Variants in DCDC1 observed in about 807,000 individuals in gnomAD.
The protein encoded by DCDC1 is doublecortin domain containing 1, also known as doublecortin domain-containing protein 1.
DCDC1 carries 200 observed loss-of-function variants against 178.3 expected under a neutral mutation model. The observed-to-expected ratio is 1.12, with a 90% CI of 1.00 to 1.26. The LOEUF (loss-of-function observed/expected upper bound fraction) is 1.26. DCDC1 is among the 50% of genes most tolerant of loss of function. The pLI is 0.00. For synonymous variants in DCDC1, 690 were observed against 604.8 expected (o/e 1.14, Z -2.07); for missense variants, 1,983 against 1,749.2 (o/e 1.13, Z -2.38).
chr11:31,019,640 T>A lies in DCDC1; in HGVS notation c.2591+44829A>T, dbSNP rs2135189672. 2.0e-5 allele frequency among the ~76,000 whole-genome samples: 3 copies of A among 152,280 alleles called. No individual in the cohort carries two copies. The South Asian group carries it at 6.2e-4, about 32-fold the overall frequency. ...CATAACTGGTATGATCTTTTAAAAATTAAAATTAGATCATGTCACGCCCCA... is the reference window on the plus strand; with the variant it reads ...CATAACTGGTATGATCTTTTAAAAAATAAAATTAGATCATGTCACGCCCCA... On this transcript the variant is annotated intron_variant, in intron 20 of 38. Coordinates refer to ENST00000684477, the MANE Select transcript of DCDC1 (RefSeq NM_001387274.1).
chr11:31,002,285 A>G (rs907020364), intron 20 of DCDC1, among the ~76,000 whole-genome samples: 2 of 152,226 alleles, frequency 1.3e-5, no homozygotes, highest in Admixed American at 1.3e-4. Flanking sequence ...GTGAATTTGA[A>G]TGATTCCTAT....
At chr11:31,031,616 T>C (rs1020687904) in intron 20 of DCDC1, among the ~76,000 whole-genome samples, 1 of 152,138 alleles carries the variant, frequency 6.6e-6, no homozygotes, top group African/African-American at 2.4e-5. Context: ...CAAATCTCTA[T>C]GTCTTATACA....
chr11:31,274,817 C>T (rs1295117027), intron 7 of DCDC1, among the ~76,000 whole-genome samples: 2 of 151,762 alleles, frequency 1.3e-5, no homozygotes, highest in African/African-American at 4.8e-5. Flanking sequence ...TCTCCTGCCT[C>T]AGTCTCCCGA....
At chr11:30,884,861 A>T (rs1943025134) in intron 36 of DCDC1, among the ~76,000 whole-genome samples, 1 of 152,048 alleles carries the variant, frequency 6.6e-6, no homozygotes, top group Admixed American at 6.5e-5. Flanking sequence ...AAAAGGTGTA[A>T]ATTCTTAGGA....
At chr11:31,011,810 C>T (rs1341253818) in intron 20 of DCDC1, among the ~76,000 whole-genome samples, 1 of 152,112 alleles carries the variant, frequency 6.6e-6, no homozygotes, top group Non-Finnish European at 1.5e-5. Context: ...GTAAGTAAAA[C>T]TAGTAATAAA....
At chr11:31,323,382 T>G (rs1003761497) in intron 3 of DCDC1, among the ~76,000 whole-genome samples, 2 of 152,238 alleles carry the variant, frequency 1.3e-5, no homozygotes, top group African/African-American at 4.8e-5. Flanking sequence ...TCTCTTTTTC[T>G]TATACAGAAG....
intron 9 of DCDC1, among the ~76,000 whole-genome samples, chr11:31,207,270 A>G (rs1209789281): frequency 6.6e-6 from 1 of 152,182 alleles, no homozygotes; most frequent in Non-Finnish European, 1.5e-5. Flanking sequence ...TACTAAAACT[A>G]AATATTATTC....
chr11:30,878,527 T>C lies in DCDC1; in HGVS notation c.*40+17A>G. ...CATAATGTCATAACAAACATGAGTA[T>C]GTGCACATAGCTATACCAGAAAAAT... On this transcript the variant is annotated intron_variant, in intron 38 of 38. Transcript: ENST00000684477. The C allele has an allele frequency of 3.3e-6, 5 of 1,504,392 alleles. No individual in the cohort carries two copies. Among genetic ancestry groups the C allele is most frequent in the Non-Finnish European group, 4.4e-6 (5 of 1,125,298 alleles). The allele number at this position is 1,504,392 out of a possible 1,614,324, so 93.2% of individuals were successfully genotyped here. A position where few individuals can be genotyped will look rare whatever the true frequency, so the allele number is the denominator to read the frequency against.
intron 1 of DCDC1, among the ~76,000 whole-genome samples, chr11:31,342,812 T>C (rs1950614314): frequency 6.6e-6 from 1 of 152,184 alleles, no homozygotes; most frequent in South Asian, 2.1e-4. Context: ...AATCCAATTA[T>C]TAAAAAAACG....
At chr11:31,104,020 A>G (rs952495064) in intron 13 of DCDC1, among the ~76,000 whole-genome samples, 8 of 152,202 alleles carry the variant, frequency 5.3e-5, no homozygotes, top group African/African-American at 1.9e-4. Flanking sequence ...TAATTGCAAT[A>G]ATTAAAGCCA....
At chr11:30,946,754 A>G (rs1057280080) in intron 21 of DCDC1, among the ~76,000 whole-genome samples, 2 of 152,230 alleles carry the variant, frequency 1.3e-5, no homozygotes, top group African/African-American at 4.8e-5. Flanking sequence ...AGGATAAATT[A>G]TTTCTAAAAA....
intron 1 of DCDC1, among the ~76,000 whole-genome samples, chr11:31,348,627 T>C (rs1950925537): frequency 1.3e-5 from 2 of 152,196 alleles, no homozygotes; most frequent in South Asian, 4.1e-4. Context: ...TGGAAGCCAT[T>C]ATACACTGTG....
chr11:31,296,573 G>A (rs541786619), intron 6 of DCDC1, among the ~76,000 whole-genome samples: 9 of 152,208 alleles, frequency 5.9e-5, no homozygotes, highest in Admixed American at 5.2e-4. Context: ...TTACAGCAGC[G>A]CTCCACTACC....
chr11:31,304,872 A>G (rs1948352248), intron 6 of DCDC1, among the ~76,000 whole-genome samples: 1 of 152,130 alleles, frequency 6.6e-6, no homozygotes, highest in Non-Finnish European at 1.5e-5. Flanking sequence ...ATAGCACTAG[A>G]TACCAAACTC....
intron 1 of DCDC1, among the ~76,000 whole-genome samples, chr11:31,338,436 A>G (rs1950378236): frequency 6.6e-6 from 1 of 152,224 alleles, no homozygotes; most frequent in Admixed American, 6.5e-5. Context: ...ACAGGCATGT[A>G]TGATCAAGAA....
intron 9 of DCDC1, among the ~76,000 whole-genome samples, chr11:31,166,924 T>TC (rs1304070390): frequency 6.6e-6 from 1 of 152,120 alleles, no homozygotes; most frequent in Non-Finnish European, 1.5e-5. Flanking sequence ...GAGAGGAAAC[T>TC]CAGAGAATCT....
intron 32 of DCDC1, among the ~76,000 whole-genome samples, chr11:30,902,846 A>T (rs980028109): frequency 1.3e-5 from 2 of 152,200 alleles, no homozygotes; most frequent in Non-Finnish European, 1.5e-5. Flanking sequence ...GCTTTTATTT[A>T]GCAGACTGTC....
chr11:30,989,219 T>A (rs544878288), intron 20 of DCDC1, among the ~76,000 whole-genome samples: 1 of 152,302 alleles, frequency 6.6e-6, no homozygotes, highest in Non-Finnish European at 1.5e-5. Flanking sequence ...TAGGAAGTAG[T>A]TAAATGAGGG....
At chr11:31,332,481 T>A (rs1364413156) in intron 2 of DCDC1, among the ~76,000 whole-genome samples, 1 of 152,210 alleles carries the variant, frequency 6.6e-6, no homozygotes, top group African/African-American at 2.4e-5. Flanking sequence ...AGGGTGTCAA[T>A]TTTAGATCTT....
Sources: allele counts gnomAD v4.1 joint callset (sites outside exome capture counted in the v4.1 genomes callset), GRCh38; gene constraint gnomAD v4.1.1; transcripts MANE v1.5; gene names NCBI Gene and HGNC (gene_info 2026-07-23, HGNC 2026-07-21).